Variants in CNTNAP2 observed in about 807,000 individuals in gnomAD.
CNTNAP2 encodes contactin-associated protein-like 2.
A neutral mutation model predicts 155.2 loss-of-function variants in CNTNAP2; 98 were observed. That is an observed-to-expected ratio of 0.63 (90% confidence interval 0.54 to 0.75). The LOEUF (loss-of-function observed/expected upper bound fraction) is 0.75, where lower values mean the gene tolerates loss of function less well. Ranked by LOEUF, CNTNAP2 falls within the 30% of genes least tolerant of loss-of-function variation. The probability of loss-of-function intolerance (pLI) is 0.00; values close to 1 mark genes in which losing one functional copy is unlikely to be tolerated. For missense variants in CNTNAP2, 1,727 were observed against 1,688.1 expected, an observed-to-expected ratio of 1.02 and a Z score of -0.40; for synonymous variants, 651 against 631.2, an observed-to-expected ratio of 1.03 and a Z score of -0.47.
Position 147,390,598 on chromosome 7 carries a change from G to A in CNTNAP2, c.1499-5011G>A, listed in dbSNP as rs548277672. On this transcript the variant is annotated intron_variant, in intron 9 of 23. Transcript: ENST00000361727. The stretch of plus-strand genomic sequence containing the variant: ...GTAATAGGCTTTAGTTCTCCTCCTA[G>A]GTGCCTCTCCATCTTACTACTTGAG... Among the ~76,000 whole-genome samples the A allele has an allele frequency of 2.6e-5, 4 of 152,114 alleles. No individual in the cohort carries two copies. The East Asian group carries it at 7.8e-4, about 30-fold the overall frequency.
At chr7:146,287,539 A>T (rs996949778) in intron 1 of CNTNAP2, among the ~76,000 whole-genome samples, 2 of 152,112 alleles carry the variant, frequency 1.3e-5, no homozygotes, top group Admixed American at 1.3e-4. Flanking sequence ...TCTTACCTCC[A>T]TGTTGACCTC....
At position 147,276,562 on chromosome 7, in the gene CNTNAP2, A is replaced by G. The variant is rs112603106; in HGVS notation, c.1349-23579A>G. ...AAATAAACAAATGAATTTGATGCCAAACTTGAAGCTCATATTGGAATGTAA... is the reference window on the plus strand; with the variant it reads ...AAATAAACAAATGAATTTGATGCCAGACTTGAAGCTCATATTGGAATGTAA... On this transcript the variant is annotated intron_variant, in intron 8 of 23. Coordinates refer to ENST00000361727, the MANE Select transcript of CNTNAP2 (RefSeq NM_014141.6). Among the ~76,000 whole-genome samples the G allele has an allele frequency of 1.4e-3, 210 of 152,038 alleles. 5 individuals carry two copies. The highest frequency in any genetic ancestry group is 4.1e-4 in the South Asian group (2 of 4,832).
At chr7:147,676,263 T>A (rs975169758) in intron 13 of CNTNAP2, among the ~76,000 whole-genome samples, 1 of 152,020 alleles carries the variant, frequency 6.6e-6, no homozygotes, top group African/African-American at 2.4e-5. Flanking sequence ...AAAAAATGTA[T>A]GTGAAGTACT....
chr7:146,794,999 A>C (rs1802743607), intron 2 of CNTNAP2, among the ~76,000 whole-genome samples: 1 of 152,226 alleles, frequency 6.6e-6, no homozygotes, highest in Admixed American at 6.5e-5. Flanking sequence ...TAGACAGAGT[A>C]GTCAGAGAAA....
chr7:147,494,715 G>GA (rs1333367136), intron 11 of CNTNAP2, among the ~76,000 whole-genome samples: 4 of 152,036 alleles, frequency 2.6e-5, no homozygotes, highest in East Asian at 1.9e-4. Context: ...TTGAATTAAG[G>GA]AAAAAAATGA....
chr7:146,772,210 A>G (rs945198404), intron 1 of CNTNAP2, among the ~76,000 whole-genome samples: 2 of 152,010 alleles, frequency 1.3e-5, no homozygotes, highest in African/African-American at 4.8e-5. Context: ...ATCAAGCAGG[A>G]TGTGGATACA....
intron 2 of CNTNAP2, among the ~76,000 whole-genome samples, chr7:146,776,690 T>C (rs1020902611): frequency 6.6e-6 from 1 of 152,184 alleles, no homozygotes; most frequent in Non-Finnish European, 1.5e-5. Context: ...GGTTTTTTAA[T>C]GGGAATTAAC....
intron 12 of CNTNAP2, among the ~76,000 whole-genome samples, chr7:147,607,003 T>C (rs1337083339): frequency 2.0e-5 from 3 of 152,108 alleles, no homozygotes; most frequent in Non-Finnish European, 4.4e-5. Flanking sequence ...GAACACCAAT[T>C]TTAGTCCCTT....
intron 15 of CNTNAP2, among the ~76,000 whole-genome samples, chr7:147,985,008 A>C (rs1337660231): frequency 6.6e-6 from 1 of 151,986 alleles, no homozygotes. Flanking sequence ...CCAGCTGCTC[A>C]GGAGACTGAG....
intron 2 of CNTNAP2, among the ~76,000 whole-genome samples, chr7:146,824,925 A>G (rs1022665903): frequency 2.7e-5 from 4 of 148,672 alleles, no homozygotes; most frequent in Admixed American, 6.8e-5. Flanking sequence ...GCCCATTGCT[A>G]TGTCAACCAG....
intron 11 of CNTNAP2, among the ~76,000 whole-genome samples, chr7:147,501,716 G>T (rs968352998): frequency 1.3e-5 from 2 of 152,278 alleles, no homozygotes; most frequent in Admixed American, 1.3e-4. Context: ...TATGATGTTT[G>T]CTATGTTAGA....
intron 13 of CNTNAP2, among the ~76,000 whole-genome samples, chr7:147,848,533 G>A (rs1798858016): frequency 6.6e-6 from 1 of 151,240 alleles, no homozygotes; most frequent in South Asian, 2.1e-4. Context: ...TACCTCAGAT[G>A]GAAATGCAGA....
At chr7:146,931,934 G>A (rs914476404) in intron 3 of CNTNAP2, among the ~76,000 whole-genome samples, 1 of 151,902 alleles carries the variant, frequency 6.6e-6, no homozygotes, top group African/African-American at 2.4e-5. Context: ...CTGAAATTGT[G>A]GCAATAATCA....
chr7:146,242,561 G>GA (rs1192526633), intron 1 of CNTNAP2, among the ~76,000 whole-genome samples: 2 of 150,396 alleles, frequency 1.3e-5, no homozygotes, highest in Non-Finnish European at 3.0e-5. Context: ...GAGAGAAAAA[G>GA]AAAAAACAAA....
chr7:148,261,202 C>T (rs1009686052), intron 20 of CNTNAP2, among the ~76,000 whole-genome samples: 26 of 151,640 alleles, frequency 1.7e-4, no homozygotes, highest in African/African-American at 5.6e-4. Flanking sequence ...TCACTCTCAC[C>T]CAGGCTGGAG....
chr7:146,539,669 T>A (rs932879801), intron 1 of CNTNAP2, among the ~76,000 whole-genome samples: 6 of 152,222 alleles, frequency 3.9e-5, no homozygotes, highest in African/African-American at 1.4e-4. Context: ...TAGATTTAGA[T>A]AAGATGAGGA....
At position 148,419,810 on chromosome 7, in the gene CNTNAP2, TTCTC is replaced by T. The variant is rs1253050799; in HGVS notation, c.*4199_*4202del. ...TGAGAATTAGCTGACAGCATCCCCT[TTCTC>T]TCTCCCTGCCTTGGTGGGACCCTCC... On this transcript the variant is annotated 3_prime_UTR_variant, in exon 24 of 24. Transcript: ENST00000361727. 2.0e-5 allele frequency: 3 copies of T among 152,212 alleles called. No homozygotes were observed. In the East Asian group the frequency reaches 5.8e-4, roughly 29 times the overall value. 9.4% of individuals were successfully genotyped at this position (152,212 alleles called of 1,614,324 possible). A position where few individuals can be genotyped will look rare whatever the true frequency, so the allele number is the denominator to read the frequency against.
chr7:147,992,126 G>A (rs1024185738), intron 15 of CNTNAP2, among the ~76,000 whole-genome samples: 14 of 109,302 alleles, frequency 1.3e-4, no homozygotes, highest in African/African-American at 3.8e-4. Flanking sequence ...ACAGAGTCTC[G>A]CTCTGTCACC....
chr7:147,398,887 T>G (rs556572919), intron 10 of CNTNAP2, among the ~76,000 whole-genome samples: 1 of 150,968 alleles, frequency 6.6e-6, no homozygotes, highest in South Asian at 2.1e-4. Context: ...ATCTAGCAAG[T>G]GAGAAGGAAT....
Sources: gnomAD v4.1 joint callset for allele counts (sites outside exome capture counted in the v4.1 genomes callset) on GRCh38, gnomAD v4.1.1 for gene constraint, MANE v1.5 for transcripts, NCBI Gene and HGNC (gene_info 2026-07-23, HGNC 2026-07-21) for gene names.